Variants in CACNA1C observed in about 807,000 individuals in gnomAD.
CACNA1C encodes voltage-dependent L-type calcium channel subunit alpha-1C.
In CACNA1C, 30 loss-of-function variants were observed where a neutral mutation model predicts 229.0. That is an observed-to-expected ratio of 0.13 (90% CI 0.10 to 0.18). The LOEUF is 0.18. Ranked by LOEUF, CACNA1C falls within the 10% of genes least tolerant of loss-of-function variation. The probability of loss-of-function intolerance (pLI) is 1.00; values close to 1 mark genes in which losing one functional copy is unlikely to be tolerated. For synonymous variants in CACNA1C, 1,114 were observed against 1,132.5 expected, an observed-to-expected ratio of 0.98 and a Z score of 0.33; for missense variants, 1,658 against 2,845.0, an observed-to-expected ratio of 0.58 and a Z score of 9.49.
chr12:2,438,029 G>C (rs890561481), intron 3 of CACNA1C, among the ~76,000 whole-genome samples: 1 of 148,944 alleles, frequency 6.7e-6, no homozygotes, highest in African/African-American at 2.5e-5. Context: ...TGATGGTAGT[G>C]GTGGTGAGGG....
At chr12:2,048,623 G>A (rs2154498134), upstream of CACNA1C, 1 of 152,562 alleles carries the variant, frequency 6.6e-6, no homozygotes, top group African/African-American at 2.4e-5. Flanking sequence ...AATTTTTGCA[G>A]GTGGGTGGCA....
intron 3 of CACNA1C, among the ~76,000 whole-genome samples, chr12:2,267,006 C>G (rs1179028672): frequency 6.6e-6 from 1 of 152,180 alleles, no homozygotes; most frequent in Non-Finnish European, 1.5e-5. Flanking sequence ...ACCTTTCTTC[C>G]TTTCCTTTTT....
At chr12:2,141,230 G>A (rs55802423) in intron 3 of CACNA1C, among the ~76,000 whole-genome samples, 4 of 151,280 alleles carry the variant, frequency 2.6e-5, no homozygotes, top group African/African-American at 4.8e-5. Flanking sequence ...TGAGTGTGAC[G>A]TTGGCAGGTC....
intron 3 of CACNA1C, among the ~76,000 whole-genome samples, chr12:2,407,358 G>GTATTGATTTGCATTTCCCTA (rs2098750224): frequency 1.9e-5 from 2 of 104,166 alleles, no homozygotes; most frequent in Admixed American, 1.0e-4. Flanking sequence ...GTGTGCAGTG[G>GTATTGATTTGCATTTCCCTA]ACATCGTCTC....
At chr12:2,015,630 A>C (rs2045238104) in intron 1 of CACNA1C, among the ~76,000 whole-genome samples, 1 of 152,230 alleles carries the variant, frequency 6.6e-6, no homozygotes, top group African/African-American at 2.4e-5. Context: ...GCTGGAAGGC[A>C]TTTAAAAAGA....
At chr12:2,418,451 G>A (rs990923406) in intron 3 of CACNA1C, among the ~76,000 whole-genome samples, 11 of 152,154 alleles carry the variant, frequency 7.2e-5, no homozygotes, top group Non-Finnish European at 1.6e-4. Flanking sequence ...GCCTGACGAG[G>A]GCAGGGGAAG....
chr12:2,532,370 C>G (rs2099843132), intron 9 of CACNA1C, among the ~76,000 whole-genome samples: 1 of 152,146 alleles, frequency 6.6e-6, no homozygotes. Flanking sequence ...ACAGTCCTTC[C>G]TTCCTCTCTG....
chr12:2,581,989 T>C (rs1195234583), intron 14 of CACNA1C, among the ~76,000 whole-genome samples, 192 bp downstream of exon 14: 2 of 151,304 alleles, frequency 1.3e-5, no homozygotes, highest in African/African-American at 2.4e-5. Flanking sequence ...GGAATTCCAC[T>C]AGTGGGTGGA....
chr12:2,604,630 T>C (rs1034203799), intron 22 of CACNA1C, among the ~76,000 whole-genome samples: 2 of 152,216 alleles, frequency 1.3e-5, no homozygotes, highest in African/African-American at 4.8e-5. Context: ...TATTTAACCC[T>C]TGCAAAGACC....
At chr12:2,191,781 T>C (rs1331597060) in intron 3 of CACNA1C, among the ~76,000 whole-genome samples, 3 of 108,202 alleles carry the variant, frequency 2.8e-5, no homozygotes, top group Admixed American at 8.9e-5. Context: ...CACAGGCACA[T>C]ACATGCACAT....
In CACNA1C at chr12:2,648,515, C is replaced by T. The variant is rs1334264580; in HGVS notation, c.3945+8C>T. 1.2e-6 allele frequency: 2 copies of T among 1,613,570 alleles called. No homozygotes were observed. Among genetic ancestry groups the T allele is most frequent in the Non-Finnish European group, 1.7e-6 (2 of 1,179,550 alleles). On this transcript the variant is annotated splice_region_variant and intron_variant, in intron 31 of 46. Transcript: ENST00000399655. Reference sequence around the variant, plus strand: ...CAATGCTCTCCCTCTATGGTAAGACCAACCCTCCCGACCATGCTCCCGGCT... The same window carrying T: ...CAATGCTCTCCCTCTATGGTAAGACTAACCCTCCCGACCATGCTCCCGGCT...
chr12:2,232,498 C>T (rs1211410060), intron 3 of CACNA1C, among the ~76,000 whole-genome samples: 2 of 152,068 alleles, frequency 1.3e-5, no homozygotes, highest in Non-Finnish European at 2.9e-5. Context: ...ACCTTCATCA[C>T]TTGGTGAAGG....
At chr12:2,107,181 C>CCCGGGGAGGGTTTCCACCTCAG (rs2079331436) in intron 1 of CACNA1C, among the ~76,000 whole-genome samples, 2 of 149,690 alleles carry the variant, frequency 1.3e-5, no homozygotes, top group African/African-American at 5.0e-5. Context: ...GGGTGCTCAC[C>CCCGGGGAGGGTTTCCACCTCAG]CTGGAGAGGG....
intron 3 of CACNA1C, chr12:2,221,540 G>GA (rs1280929520): frequency 1.3e-5 from 2 of 152,228 alleles, no homozygotes; most frequent in African/African-American, 4.8e-5. Context: ...CATCAACAGT[G>GA]AAAGTCTTGT....
At chr12:2,655,109 C>T (rs778711948) in intron 33 of CACNA1C, 38 bp from the exon 34 acceptor site, 1 of 1,284,992 alleles carries the variant, frequency 7.8e-7, no homozygotes, top group South Asian at 1.2e-5. Context: ...CCCTATCTGT[C>T]CACAAATCAC....
intron 3 of CACNA1C, among the ~76,000 whole-genome samples, chr12:2,349,651 G>A (rs1201463222): frequency 6.6e-6 from 1 of 152,120 alleles, no homozygotes; most frequent in Non-Finnish European, 1.5e-5. Context: ...GCAGAGGGTA[G>A]GAAGAGCTCT....
chr12:2,188,707 T>G (rs922265359), intron 3 of CACNA1C, among the ~76,000 whole-genome samples: 1 of 152,212 alleles, frequency 6.6e-6, no homozygotes, highest in Non-Finnish European at 1.5e-5. Flanking sequence ...GGTGGTATCC[T>G]TATAAAATAC....
At chr12:2,532,421 TC>T (rs1229282545) in intron 9 of CACNA1C, among the ~76,000 whole-genome samples, 1 of 152,070 alleles carries the variant, frequency 6.6e-6, no homozygotes, top group Non-Finnish European at 1.5e-5. Flanking sequence ...GAAGGCCCGC[TC>T]CCCCACAGTA....
intron 3 of CACNA1C, among the ~76,000 whole-genome samples, chr12:2,155,373 CTTTGCTTGGGCTTCAGT>C (rs2095505434): frequency 6.6e-6 from 1 of 152,004 alleles, no homozygotes; most frequent in Admixed American, 6.6e-5. Context: ...CACAATTTTA[CTTTGCTTGGGCTTCAGT>C]TTCCCTATAT....
Sources: gnomAD v4.1 joint callset for allele counts (sites outside exome capture counted in the v4.1 genomes callset) on GRCh38, gnomAD v4.1.1 for gene constraint, MANE v1.5 for transcripts, NCBI Gene and HGNC (gene_info 2026-07-23, HGNC 2026-07-21) for gene names.